Variants in WDR25 observed in about 807,000 individuals in gnomAD.
WDR25 encodes WD repeat domain 25.
A neutral mutation model predicts 47.7 loss-of-function variants in WDR25; 35 were observed. The ratio of observed to expected loss-of-function variants is 0.73; its 90% CI spans 0.56 to 0.97. The LOEUF (loss-of-function observed/expected upper bound fraction) is 0.97. Ranked by LOEUF, WDR25 falls within the 50% of genes least tolerant of loss-of-function variation. WDR25 has a pLI of 0.00. For missense variants in WDR25, 634 were observed against 704.7 expected, an observed-to-expected ratio of 0.90 and a Z score of 1.14; for synonymous variants, 248 against 278.9, an observed-to-expected ratio of 0.89 and a Z score of 1.10.
rs991973406 is a variant in WDR25 at position 100,404,028 on chromosome 14, G to T, written c.822+22282G>T. Among the ~76,000 whole-genome samples the T allele has an allele frequency of 6.6e-6, 1 of 152,196 alleles. No individual in the cohort carries two copies. Among genetic ancestry groups the T allele is most frequent in the Non-Finnish European group, 1.5e-5 (1 of 68,022 alleles). On this transcript the variant is annotated intron_variant, in intron 2 of 6. Coordinates refer to ENST00000402312, the MANE Select transcript of WDR25 (RefSeq NM_001161476.3). This position sits in a 1 kb window ranked among gnomAD's most constrained non-coding sequence, Gnocchi z 4.6. ...GCAATGTTGGTGTGGACTTTATCATGGGCTGTACCCAGTATCACAAGAGCT... is the reference window on the plus strand; with the variant it reads ...GCAATGTTGGTGTGGACTTTATCATTGGCTGTACCCAGTATCACAAGAGCT...
intron 2 of WDR25, among the ~76,000 whole-genome samples, chr14:100,396,475 G>A (rs1475923801): frequency 1.3e-5 from 2 of 152,236 alleles, no homozygotes; most frequent in South Asian, 2.1e-4. Context: ...TCAATCAAGC[G>A]CAGAGCTGAC....
intron 4 of WDR25, among the ~76,000 whole-genome samples, chr14:100,485,990 A>G (rs1900369078): frequency 6.6e-6 from 1 of 152,108 alleles, no homozygotes; most frequent in Admixed American, 6.5e-5. Flanking sequence ...GAACTTTCTT[A>G]TAAAAATATT....
chr14:100,379,954 C>T (rs147215268), intron 1 of WDR25, among the ~76,000 whole-genome samples: 1 of 151,092 alleles, frequency 6.6e-6, no homozygotes, highest in African/African-American at 2.4e-5. Flanking sequence ...GTTGGCCAGG[C>T]TGCTCTTGAG....
chr14:100,499,241 C>T lies in WDR25; in HGVS notation c.1101+15117C>T, dbSNP rs1900835404. Reference sequence around the variant, plus strand: ...TTTACATTTTTATATAATTGTCTTTCAGCTTATTATAATATCATTAGAATT... The same window carrying T: ...TTTACATTTTTATATAATTGTCTTTTAGCTTATTATAATATCATTAGAATT... On this transcript the variant is annotated intron_variant, in intron 4 of 6. Coordinates refer to ENST00000402312, the MANE Select transcript of WDR25 (RefSeq NM_001161476.3). The surrounding 1 kb of genome is among the most constrained non-coding windows in gnomAD (Gnocchi z 4.4). 6.6e-6 allele frequency among the ~76,000 whole-genome samples: 1 copy of T among 152,164 alleles called. No homozygotes were observed. The highest frequency in any genetic ancestry group is 2.4e-5 in the African/African-American group (1 of 41,422).
chr14:100,486,510 T>G (rs539031723), intron 4 of WDR25, among the ~76,000 whole-genome samples: 2 of 152,274 alleles, frequency 1.3e-5, no homozygotes, highest in East Asian at 3.9e-4. Flanking sequence ...TCGTTCCGTT[T>G]GCATCAGTTG....
Position 100,502,937 on chromosome 14 carries a change from C to T in WDR25, c.1101+18813C>T, listed in dbSNP as rs183189571. Among the ~76,000 whole-genome samples the T allele has an allele frequency of 4.9e-4, 74 of 151,646 alleles. No homozygotes were observed. The highest frequency in any genetic ancestry group is 1.7e-3 in the African/African-American group (71 of 41,148). Reference sequence around the variant, plus strand: ...GAGGGTTTTTTGTTGCTGGAGAACACGCAGTGTGTGTCTGTGAGTGTGTGT... The same window carrying T: ...GAGGGTTTTTTGTTGCTGGAGAACATGCAGTGTGTGTCTGTGAGTGTGTGT... On this transcript the variant is annotated intron_variant, in intron 4 of 6. Transcript: ENST00000402312. This position sits in a 1 kb window ranked among gnomAD's most constrained non-coding sequence, Gnocchi z 4.5.
chr14:100,498,772 G>A lies in WDR25; in HGVS notation c.1101+14648G>A, dbSNP rs2140343901. On this transcript the variant is annotated intron_variant, in intron 4 of 6. Coordinates refer to ENST00000402312, the MANE Select transcript of WDR25 (RefSeq NM_001161476.3). This position sits in a 1 kb window ranked among gnomAD's most constrained non-coding sequence, Gnocchi z 4.2. ...AGGTGGGGTCTGTATTCCATTCCAA[G>A]CCCTGCTGGCCAGGCCACGCCCCTG... is the stretch of plus-strand genomic sequence containing the variant. 6.6e-6 allele frequency among the ~76,000 whole-genome samples: 1 copy of A among 152,314 alleles called. No individual in the cohort carries two copies. The highest frequency in any genetic ancestry group is 2.4e-5 in the African/African-American group (1 of 41,556).
rs561875359 is a variant in WDR25 at position 100,478,798 on chromosome 14, C to T, written c.971-5196C>T. Among the ~76,000 whole-genome samples the T allele has an allele frequency of 2.2e-4, 34 of 152,296 alleles. No homozygotes were observed. In the South Asian group the frequency reaches 3.3e-3, roughly 15 times the overall value. Reference sequence around the variant, plus strand: ...ATTCAGCTTTCACATTTTCTCTCATCTTTCTTCCCCATTGTTGGCAAGACT... The same window carrying T: ...ATTCAGCTTTCACATTTTCTCTCATTTTTCTTCCCCATTGTTGGCAAGACT... On this transcript the variant is annotated intron_variant, in intron 3 of 6. Transcript: ENST00000402312.
intron 3 of WDR25, among the ~76,000 whole-genome samples, chr14:100,483,011 G>C (rs911727071): frequency 2.0e-5 from 3 of 152,170 alleles, no homozygotes; most frequent in Non-Finnish European, 4.4e-5. Context: ...AGCCCTGCCT[G>C]TGGGGGACAT....
chr14:100,393,249 G>A lies in WDR25; in HGVS notation c.822+11503G>A, dbSNP rs575386535. ...GTATTTACACAGCCTGACAACTGTA[G>A]GGAAAATGAAAGAGATTTTATAAAC... On this transcript the variant is annotated intron_variant, in intron 2 of 6. Coordinates refer to ENST00000402312, the MANE Select transcript of WDR25 (RefSeq NM_001161476.3). Among the ~76,000 whole-genome samples the A allele has an allele frequency of 8.5e-5, 13 of 152,352 alleles. 1 individual carries two copies. The South Asian group carries it at 2.5e-3, about 29-fold the overall frequency.
At chr14:100,521,926 A>G (rs745894648) in intron 4 of WDR25, among the ~76,000 whole-genome samples, 1 of 152,220 alleles carries the variant, frequency 6.6e-6, no homozygotes, top group Non-Finnish European at 1.5e-5. Flanking sequence ...GCCACCTAAC[A>G]AGGGTGTTGC....
intron 2 of WDR25, among the ~76,000 whole-genome samples, chr14:100,461,794 C>T (rs866653823): frequency 2.0e-5 from 3 of 152,004 alleles, no homozygotes; most frequent in Non-Finnish European, 2.9e-5. Context: ...GGAGGGTCTC[C>T]GAGATAAGAG....
chr14:100,476,407 T>C (rs1195549982), intron 3 of WDR25: 3 of 152,250 alleles, frequency 2.0e-5, no homozygotes, highest in South Asian at 2.1e-4. Context: ...TGTAACGATA[T>C]TGATTTTAGC....
At chr14:100,429,788 T>C (rs1348312651) in intron 2 of WDR25, among the ~76,000 whole-genome samples, 1 of 151,044 alleles carries the variant, frequency 6.6e-6, no homozygotes, top group Non-Finnish European at 1.5e-5. Context: ...GGCCTTTCCT[T>C]GGTGTGTGCG....
In WDR25 at chr14:100,491,578, C is replaced by T. The variant is rs561045458; in HGVS notation, c.1101+7454C>T. On this transcript the variant is annotated intron_variant, in intron 4 of 6. Coordinates refer to ENST00000402312, the MANE Select transcript of WDR25 (RefSeq NM_001161476.3). ...AGCTTAGATGTGTCGCAGGCTATAC[C>T]GTCGAGGTTCGTGTAAGCGCATGAT... Among the ~76,000 whole-genome samples the T allele has an allele frequency of 9.3e-4, 141 of 152,316 alleles. 1 individual carries two copies. The South Asian group carries it at 0.027, about 30-fold the overall frequency.
chr14:100,455,333 T>C (rs536760353), intron 2 of WDR25: 2 of 151,844 alleles, frequency 1.3e-5, no homozygotes, highest in South Asian at 2.1e-4. Flanking sequence ...TGGAGATAGA[T>C]CAACAGAAAG....
At chr14:100,422,938 C>G (rs1032718345) in intron 2 of WDR25, among the ~76,000 whole-genome samples, 1 of 152,054 alleles carries the variant, frequency 6.6e-6, no homozygotes, top group Non-Finnish European at 1.5e-5. Flanking sequence ...ATTGAAGTGG[C>G]GAGCGTCCCA....
At chr14:100,483,656 G>A (rs747362195) in intron 3 of WDR25, among the ~76,000 whole-genome samples, 20 of 152,322 alleles carry the variant, frequency 1.3e-4, no homozygotes, top group South Asian at 1.2e-3. Flanking sequence ...GTTTTTGGCT[G>A]TTAGGTGGGC....
intron 5 of WDR25, among the ~76,000 whole-genome samples, chr14:100,528,518 G>A (rs1054570551): frequency 3.4e-5 from 5 of 145,212 alleles, no homozygotes; most frequent in African/African-American, 7.8e-5. Context: ...AGATCCGCCC[G>A]CCTCAGCATC....
Sources: allele counts gnomAD v4.1 joint callset (sites outside exome capture counted in the v4.1 genomes callset), GRCh38; gene constraint gnomAD v4.1.1; non-coding constraint Gnocchi (gnomAD v3.1); transcripts MANE v1.5; gene names NCBI Gene and HGNC (gene_info 2026-07-23, HGNC 2026-07-21).